Variants in SPATS1 observed in about 807,000 individuals in gnomAD.
The protein encoded by SPATS1 is spermatogenesis associated serine rich 1, also known as spermatogenesis-associated serine-rich protein 1.
SPATS1 carries 23 observed loss-of-function variants against 33.6 expected under a neutral mutation model. The ratio of observed to expected loss-of-function variants is 0.68; its 90% CI spans 0.49 to 0.97. The LOEUF (loss-of-function observed/expected upper bound fraction) is 0.97, where lower values mean the gene tolerates loss of function less well. Ranked by LOEUF, SPATS1 falls within the 50% of genes least tolerant of loss-of-function variation. The pLI is 0.00. For missense variants in SPATS1, 327 were observed against 361.0 expected (o/e 0.91, Z 0.76); for synonymous variants, 131 against 125.6 (o/e 1.04, Z -0.29).
chr6:44,347,512 T>C (rs1787968515), intron 2 of SPATS1, among the ~76,000 whole-genome samples: 1 of 152,204 alleles, frequency 6.6e-6, no homozygotes, highest in African/African-American at 2.4e-5. Flanking sequence ...TATGCCTCTT[T>C]TCCTTTATTT....
intron 2 of SPATS1, among the ~76,000 whole-genome samples, chr6:44,343,909 C>A (rs753206970): frequency 6.6e-6 from 1 of 152,132 alleles, no homozygotes; most frequent in African/African-American, 2.4e-5. Context: ...CCAGACTTTG[C>A]GGGATCAGAT....
Position 44,378,755 on chromosome 6 carries a change from G to A in SPATS1, c.*1692G>A, listed in dbSNP as rs112747016. On this transcript the variant is annotated 3_prime_UTR_variant, in exon 9 of 9. Transcript: ENST00000674044. ...CATTGCACTCCAGCCTGGGCGACAA[G>A]AGCGAAACTCCATCCCAAAAACAAA... is the stretch of plus-strand genomic sequence containing the variant. The A allele has an allele frequency of 0.061, 9,322 of 152,602 alleles. 557 individuals carry two copies. The highest frequency in any genetic ancestry group is 0.15 in the African/African-American group (6,421 of 41,468). The allele number at this position is 152,602 out of a possible 1,614,324, so 9.5% of individuals were successfully genotyped here. A position where few individuals can be genotyped will look rare whatever the true frequency, so the allele number is the denominator to read the frequency against.
chr6:44,361,436 CT>C, intron 4 of SPATS1: 9 of 985,458 alleles, frequency 9.1e-6, no homozygotes, highest in Non-Finnish European at 1.1e-5. Flanking sequence ...GTGGATGGCA[CT>C]GGCCTAGCCA....
At chr6:44,364,190 T>C (rs538447274) in intron 5 of SPATS1, among the ~76,000 whole-genome samples, 19 of 152,344 alleles carry the variant, frequency 1.2e-4, no homozygotes, top group Admixed American at 4.6e-4. Context: ...ATAAGGATTA[T>C]TTTATTAACA....
At position 44,343,104 on chromosome 6, in the gene SPATS1, A is replaced by C; in HGVS notation, c.9A>C (p.Pro3=). MS[P]SMLTGNSPRG... is the part of the protein sequence containing the mutation. ...AATCATCATGGGCACAGATGAGTCCATCCATGCTCACTGGAAACAGTCCAC... is the reference window on the plus strand; with the variant it reads ...AATCATCATGGGCACAGATGAGTCCCTCCATGCTCACTGGAAACAGTCCAC... Residue 3 remains proline (P), a synonymous_variant, in exon 2 of 9, where the codon CCA becomes CCC. Coordinates refer to ENST00000674044, the MANE Select transcript of SPATS1 (RefSeq NM_001372081.1). 1 of 1,614,156 alleles carries C rather than the reference A, an allele frequency of 6.2e-7. No individual in the cohort carries two copies. Among genetic ancestry groups the C allele is most frequent in the Non-Finnish European group, 8.5e-7 (1 of 1,180,032 alleles).
chr6:44,375,983 A>G (rs1383722694), intron 7 of SPATS1, among the ~76,000 whole-genome samples: 1 of 148,582 alleles, frequency 6.7e-6, no homozygotes, highest in Non-Finnish European at 1.5e-5. Context: ...GCATGTGCCT[A>G]TAGTCCCAGC....
At chr6:44,357,399 T>A (rs964352286) in intron 3 of SPATS1, among the ~76,000 whole-genome samples, 4 of 152,172 alleles carry the variant, frequency 2.6e-5, no homozygotes, top group Non-Finnish European at 5.9e-5. Context: ...GTTTGTTTTT[T>A]TAGATAGAGT....
intron 3 of SPATS1, among the ~76,000 whole-genome samples, chr6:44,354,251 T>C (rs570018428): frequency 6.6e-6 from 1 of 151,574 alleles, no homozygotes; most frequent in South Asian, 2.1e-4. Flanking sequence ...GGAAGATCAG[T>C]TGAGCCCAGG....
intron 2 of SPATS1, among the ~76,000 whole-genome samples, chr6:44,349,288 C>CAA (rs35407623): frequency 0.033 from 2,405 of 71,942 alleles, 108 homozygotes; most frequent in African/African-American, 0.061. Flanking sequence ...GACTCTGGCT[C>CAA]AAAAAAAAAA....
chr6:44,367,805 G>T (rs757754850), intron 5 of SPATS1, among the ~76,000 whole-genome samples: 3 of 152,190 alleles, frequency 2.0e-5, no homozygotes, highest in Non-Finnish European at 2.9e-5. Context: ...TTCCACTCCC[G>T]TGATTAGTTT....
At chr6:44,346,882 C>A (rs2153364850) in intron 2 of SPATS1, among the ~76,000 whole-genome samples, 1 of 152,240 alleles carries the variant, frequency 6.6e-6, no homozygotes, top group Middle Eastern at 3.4e-3. Flanking sequence ...TGGGTATGTA[C>A]CCAAAGGATT....
At chr6:44,373,758 ACT>A (rs1789767276) in intron 7 of SPATS1, among the ~76,000 whole-genome samples, 3 of 152,220 alleles carry the variant, frequency 2.0e-5, no homozygotes. Context: ...AGGTAAGATT[ACT>A]TATTGAAAAG....
In SPATS1 at chr6:44,379,869, C is replaced by A. The variant is rs1790127545; in HGVS notation, c.*2806C>A. 6.6e-6 allele frequency among the ~76,000 whole-genome samples: 1 copy of A among 151,784 alleles called. No homozygotes were observed. The highest frequency in any genetic ancestry group is 2.4e-5 in the African/African-American group (1 of 41,322). On this transcript the variant is annotated 3_prime_UTR_variant, in exon 9 of 9. Transcript: ENST00000674044. ...CTGGAGTTGCAGAGCTACATTTCAT[C>A]CCCTGAAAATCAGGGCAGTTTTCGC...
At chr6:44,343,293 C>T (rs1468453156) in intron 2 of SPATS1, 59 bp downstream of exon 2, 8 of 1,595,948 alleles carry the variant, frequency 5.0e-6, no homozygotes. Context: ...TATACTACAC[C>T]CGGGGGCGGG....
chr6:44,358,980 A>C lies in SPATS1; in HGVS notation c.288-1466A>C, dbSNP rs141708230. Among the ~76,000 whole-genome samples the C allele has an allele frequency of 4.2e-3, 639 of 152,226 alleles. 2 individuals are homozygous for C. Among genetic ancestry groups the C allele is most frequent in the Non-Finnish European group, 6.9e-3 (470 of 68,000 alleles). Reference sequence around the variant, plus strand: ...ATGTTTTTTAAAGAAATGGGATTTCACTCTGTAGCCCAGGCTGGAGTGCAG... The same window carrying C: ...ATGTTTTTTAAAGAAATGGGATTTCCCTCTGTAGCCCAGGCTGGAGTGCAG... On this transcript the variant is annotated intron_variant, in intron 3 of 8. Transcript: ENST00000674044.
At chr6:44,360,670 G>A in intron 4 of SPATS1, 100 bp downstream of exon 4, 4 of 1,388,184 alleles carry the variant, frequency 2.9e-6, no homozygotes, top group Non-Finnish European at 2.9e-6. Context: ...CAACTGTCAA[G>A]CATTTGATGT....
chr6:44,359,443 T>G (rs1486278848), intron 3 of SPATS1, among the ~76,000 whole-genome samples: 1 of 152,234 alleles, frequency 6.6e-6, no homozygotes, highest in South Asian at 2.1e-4. Context: ...CTACTTTCTA[T>G]GAAGTTACCT....
chr6:44,353,339 C>G (rs1788355811), intron 3 of SPATS1, among the ~76,000 whole-genome samples: 1 of 152,158 alleles, frequency 6.6e-6, no homozygotes, highest in African/African-American at 2.4e-5. Flanking sequence ...GGGACCCACA[C>G]AGATGGTTTC....
At chr6:44,373,319 C>A (rs1171515803) in intron 7 of SPATS1, among the ~76,000 whole-genome samples, 1 of 152,140 alleles carries the variant, frequency 6.6e-6, no homozygotes, top group Non-Finnish European at 1.5e-5. Flanking sequence ...CATTTGCTTT[C>A]CTTTTCTTTA....
Sources: allele counts gnomAD v4.1 joint callset (sites outside exome capture counted in the v4.1 genomes callset), GRCh38; gene constraint gnomAD v4.1.1; transcripts MANE v1.5; gene names NCBI Gene and HGNC (gene_info 2026-07-23, HGNC 2026-07-21).